Variants in FRMD4B observed in about 807,000 individuals in gnomAD.
FRMD4B encodes FERM domain containing 4B.
In FRMD4B, 74 loss-of-function variants were observed where a neutral mutation model predicts 141.5. That is an observed-to-expected ratio of 0.52 (90% CI 0.43 to 0.63). The LOEUF is 0.63. Among genes scored for constraint, FRMD4B ranks in the 30% least tolerant of loss-of-function variants. The probability of loss-of-function intolerance (pLI) is 0.00; values close to 1 mark genes in which losing one functional copy is unlikely to be tolerated. For synonymous variants in FRMD4B, 506 were observed against 467.9 expected, an observed-to-expected ratio of 1.08 and a Z score of -1.05; for missense variants, 1,366 against 1,253.4, an observed-to-expected ratio of 1.09 and a Z score of -1.36.
At chr3:69,279,562 T>C (rs996986924) in intron 5 of FRMD4B, among the ~76,000 whole-genome samples, 1 of 152,124 alleles carries the variant, frequency 6.6e-6, no homozygotes, top group Non-Finnish European at 1.5e-5. Context: ...TGTGCTCAAG[T>C]GATCTTCTTG....
chr3:69,487,027 G>T (rs374122626), intron 1 of FRMD4B, among the ~76,000 whole-genome samples: 2 of 152,206 alleles, frequency 1.3e-5, no homozygotes, highest in African/African-American at 4.8e-5. Context: ...TTAAGATAAC[G>T]TCTGACAGGG....
At chr3:69,242,572 T>A (rs72929601) in intron 7 of FRMD4B, among the ~76,000 whole-genome samples, 2,513 of 138,922 alleles carry the variant, frequency 0.018, 81 homozygotes, top group African/African-American at 0.065. Flanking sequence ...TGAAGCTGGG[T>A]GTTAATATAC....
chr3:69,422,366 A>G (rs1575797050), intron 2 of FRMD4B, among the ~76,000 whole-genome samples: 1 of 150,776 alleles, frequency 6.6e-6, no homozygotes, highest in East Asian at 2.0e-4. Flanking sequence ...CAGCCTGAGC[A>G]ACAGAGCGAG....
At chr3:69,266,752 A>G (rs1179730951) in intron 5 of FRMD4B, among the ~76,000 whole-genome samples, 1 of 152,246 alleles carries the variant, frequency 6.6e-6, no homozygotes, top group Non-Finnish European at 1.5e-5. Flanking sequence ...CCATAGTACT[A>G]ACTGACTTAG....
rs72940775 is a variant in FRMD4B, at chr3:69,366,015, G to A, written c.162+19813C>T. ...GGGGGCAGATCATTTGAGGCCAGGAGTTTGAGATCAATCTGGCCAACATGG... is the reference window on the plus strand; with the variant it reads ...GGGGGCAGATCATTTGAGGCCAGGAATTTGAGATCAATCTGGCCAACATGG... On this transcript the variant is annotated intron_variant, in intron 1 of 22. Coordinates refer to ENST00000398540, the MANE Select transcript of FRMD4B (RefSeq NM_015123.3). Among the ~76,000 whole-genome samples, 221 of 94,560 alleles carry A rather than the reference G, an allele frequency of 2.3e-3. 7 individuals are homozygous for A. Among genetic ancestry groups the A allele is most frequent in the African/African-American group, 6.9e-3 (106 of 15,320 alleles). 62.0% of individuals were successfully genotyped at this position (94,560 alleles called of 152,430 possible). A position where few individuals can be genotyped will look rare whatever the true frequency, so the allele number is the denominator to read the frequency against.
chr3:69,278,114 A>G (rs1020604951), intron 5 of FRMD4B, among the ~76,000 whole-genome samples: 1 of 152,204 alleles, frequency 6.6e-6, no homozygotes, highest in Non-Finnish European at 1.5e-5. Flanking sequence ...TTGGCCTCCC[A>G]AAGTGCTGGG....
At chr3:69,472,924 T>C (rs1046849229) in intron 1 of FRMD4B, among the ~76,000 whole-genome samples, 5 of 136,722 alleles carry the variant, frequency 3.7e-5, no homozygotes, top group South Asian at 2.4e-4. Flanking sequence ...AGTGAGTCTT[T>C]CTTTTTTTTT....
chr3:69,493,532 A>C (rs892228215), intron 1 of FRMD4B, among the ~76,000 whole-genome samples: 1 of 152,202 alleles, frequency 6.6e-6, no homozygotes, highest in Non-Finnish European at 1.5e-5. Context: ...GGTTAGGTAC[A>C]AAGTAAGGAA....
intron 1 of FRMD4B, among the ~76,000 whole-genome samples, chr3:69,481,310 G>C (rs929165433): frequency 6.6e-6 from 1 of 152,150 alleles, no homozygotes; most frequent in East Asian, 1.9e-4. Context: ...TGTCGCTCAC[G>C]CTGGGAGCTG....
chr3:69,174,611 A>G (rs1331743692), intron 22 of FRMD4B, among the ~76,000 whole-genome samples: 1 of 152,178 alleles, frequency 6.6e-6, no homozygotes, highest in South Asian at 2.1e-4. Flanking sequence ...AATTTCCTGT[A>G]TGTTATGACC....
intron 1 of FRMD4B, chr3:69,471,615 CT>C (rs919232141): frequency 4.9e-5 from 9 of 185,484 alleles, no homozygotes; most frequent in East Asian, 1.4e-4. Flanking sequence ...CTCTGTTTTC[CT>C]TTTTTCCCCC....
At chr3:69,333,705 A>G (rs553773176) in intron 1 of FRMD4B, among the ~76,000 whole-genome samples, 3 of 152,270 alleles carry the variant, frequency 2.0e-5, no homozygotes, top group African/African-American at 7.2e-5. Context: ...TAAAATACCC[A>G]ATTTCCATCA....
chr3:69,528,133 T>A (rs951624554), intron 1 of FRMD4B, among the ~76,000 whole-genome samples: 11 of 152,130 alleles, frequency 7.2e-5, no homozygotes, highest in African/African-American at 2.7e-4. Context: ...TGGACAAATA[T>A]CTCTCTGCCC....
Position 69,182,044 on chromosome 3 carries a change from A to G in FRMD4B, c.2040-334T>C, listed in dbSNP as rs1231268111. 3.9e-5 allele frequency among the ~76,000 whole-genome samples: 6 copies of G among 151,914 alleles called. No individual in the cohort carries two copies. The South Asian group carries it at 8.3e-4, about 21-fold the overall frequency. ...AACAAAAACAAAAACAAAAAACCCAACGTGTCTTTGGAGGGTCCTGTCTTC... is the reference window on the plus strand; with the variant it reads ...AACAAAAACAAAAACAAAAAACCCAGCGTGTCTTTGGAGGGTCCTGTCTTC... On this transcript the variant is annotated intron_variant, in intron 20 of 22. Transcript: ENST00000398540.
rs766588246 is a variant in FRMD4B at position 69,287,798 on chromosome 3, G to T, written c.455C>A (p.Thr152Asn). 3.1e-6 allele frequency: 5 copies of T among 1,601,936 alleles called. No individual in the cohort carries two copies. Among genetic ancestry groups the T allele is most frequent in the Non-Finnish European group, 4.3e-6 (5 of 1,171,288 alleles). Residue 152 changes from threonine to asparagine, a missense_variant, in exon 5 of 23, where the codon ACC (threonine) becomes AAC (asparagine). Coordinates refer to ENST00000398540, the MANE Select transcript of FRMD4B (RefSeq NM_015123.3). ...IESISFLKDKTTVELFFLNAK... is the reference protein window; with the variant it reads ...IESISFLKDKNTVELFFLNAK... ...ATTCAGGAAAAACAGCTCCACGGTG[G>T]TTTTATCCTTTAAAAACGATATGCT...
intron 1 of FRMD4B, among the ~76,000 whole-genome samples, chr3:69,323,608 G>GTATGTGTATA (rs1553723965): frequency 7.9e-5 from 8 of 101,698 alleles, no homozygotes; most frequent in African/African-American, 2.9e-4. Context: ...CTCTCTCTGT[G>GTATGTGTATA]TATATATATA....
chr3:69,482,468 G>T (rs1379350764), intron 1 of FRMD4B, among the ~76,000 whole-genome samples: 1 of 152,050 alleles, frequency 6.6e-6, no homozygotes, highest in South Asian at 2.1e-4. Flanking sequence ...TGAGAAAGAG[G>T]AGAAAAAGGG....
chr3:69,465,731 T>C (rs1705771969), intron 1 of FRMD4B, among the ~76,000 whole-genome samples: 1 of 152,220 alleles, frequency 6.6e-6, no homozygotes, highest in South Asian at 2.1e-4. Context: ...TCATCCTTTT[T>C]TATGGCTATA....
At chr3:69,293,859 T>G (rs1001709726) in intron 4 of FRMD4B, among the ~76,000 whole-genome samples, 1 of 116,482 alleles carries the variant, frequency 8.6e-6, no homozygotes, top group Non-Finnish European at 1.6e-5. Flanking sequence ...CTAGCCTGGG[T>G]GACAGAGCTA....
Sources: allele counts gnomAD v4.1 joint callset (sites outside exome capture counted in the v4.1 genomes callset), GRCh38; gene constraint gnomAD v4.1.1; transcripts MANE v1.5; gene names NCBI Gene and HGNC (gene_info 2026-07-23, HGNC 2026-07-21).